GMDS: variants seen among roughly 807,000 people sequenced by gnomAD.
GMDS encodes the protein GDP-mannose 4,6 dehydratase.
Under a neutral mutation model 49.9 loss-of-function variants are expected in GMDS, and 20 were observed. The observed-to-expected ratio is 0.40, with a 90% CI of 0.28 to 0.58. The LOEUF (loss-of-function observed/expected upper bound fraction) is 0.58, where lower values mean the gene tolerates loss of function less well. GMDS is among the 20% of genes least tolerant of loss of function. GMDS has a pLI of 0.42. For synonymous variants in GMDS, 177 were observed against 178.6 expected, an observed-to-expected ratio of 0.99 and a Z score of 0.07; for missense variants, 362 against 481.4, an observed-to-expected ratio of 0.75 and a Z score of 2.32.
At chr6:2,234,229 T>C (rs1214129724) in intron 1 of GMDS, among the ~76,000 whole-genome samples, 3 of 152,176 alleles carry the variant, frequency 2.0e-5, no homozygotes, top group Non-Finnish European at 4.4e-5. Context: ...TTCCTTCCTA[T>C]CCATCATACC....
chr6:2,082,285 C>T (rs767112237), intron 4 of GMDS, among the ~76,000 whole-genome samples: 4 of 152,152 alleles, frequency 2.6e-5, no homozygotes, highest in Non-Finnish European at 5.9e-5. Flanking sequence ...CGATGCACTT[C>T]AAGTATTTTC....
rs56053544 is a variant in GMDS at position 1,875,317 on chromosome 6, TACACACACAC to T, written c.771+54776_771+54785del. ...TTATATTGAAGTCTTTTTTTGTATT[TACACACACAC>T]ACACACACACACACACACACACACG... On this transcript the variant is annotated intron_variant, in intron 7 of 10. Coordinates refer to ENST00000380815, the MANE Select transcript of GMDS (RefSeq NM_001500.4). 5.6e-4 allele frequency among the ~76,000 whole-genome samples: 84 copies of T among 150,124 alleles called. 2 individuals carry two copies. The highest frequency in any genetic ancestry group is 6.5e-4 in the South Asian group (3 of 4,650).
chr6:1,817,765 C>T (rs990504180), intron 7 of GMDS, among the ~76,000 whole-genome samples: 3 of 152,156 alleles, frequency 2.0e-5, no homozygotes, highest in Non-Finnish European at 4.4e-5. Context: ...ATGCTATTCA[C>T]GTGACCTGAC....
intron 9 of GMDS, among the ~76,000 whole-genome samples, chr6:1,683,778 T>TAA (rs1421390291): frequency 6.6e-6 from 1 of 152,230 alleles, no homozygotes; most frequent in Non-Finnish European, 1.5e-5. Context: ...TGAGATGAAG[T>TAA]AGTAGGCTCT....
At chr6:2,043,432 G>C (rs1562000493) in intron 4 of GMDS, 1 of 152,250 alleles carries the variant, frequency 6.6e-6, no homozygotes, top group Non-Finnish European at 1.5e-5. Flanking sequence ...CAGAGCACTG[G>C]GAGCCACAGC....
At chr6:1,727,458 G>C (rs1346867339) in intron 8 of GMDS, among the ~76,000 whole-genome samples, 2 of 152,120 alleles carry the variant, frequency 1.3e-5, no homozygotes, top group African/African-American at 4.8e-5. Flanking sequence ...AAATTAACAA[G>C]TATGACATGT....
intron 7 of GMDS, among the ~76,000 whole-genome samples, chr6:1,755,159 A>G (rs1222630721): frequency 6.6e-6 from 1 of 152,222 alleles, no homozygotes; most frequent in Non-Finnish European, 1.5e-5. Flanking sequence ...AATCTCCTTA[A>G]GCTCATAAGC....
intron 1 of GMDS, among the ~76,000 whole-genome samples, chr6:2,139,278 G>A (rs1776162422): frequency 6.6e-6 from 1 of 152,128 alleles, no homozygotes; most frequent in East Asian, 1.9e-4. Flanking sequence ...TGCACTGTCT[G>A]CACAAAATAT....
intron 4 of GMDS, among the ~76,000 whole-genome samples, chr6:2,102,400 A>T (rs1015853517): frequency 2.0e-5 from 3 of 152,300 alleles, no homozygotes; most frequent in South Asian, 2.1e-4. Context: ...GCTGGTTTTT[A>T]AAAAAAGTTT....
At chr6:2,173,616 A>C (rs1456832738) in intron 1 of GMDS, among the ~76,000 whole-genome samples, 1 of 152,232 alleles carries the variant, frequency 6.6e-6, no homozygotes, top group Non-Finnish European at 1.5e-5. Flanking sequence ...TGAAAACAGG[A>C]AGTTCTATTC....
At chr6:1,799,973 TA>T (rs1330392869) in intron 7 of GMDS, among the ~76,000 whole-genome samples, 3 of 151,986 alleles carry the variant, frequency 2.0e-5, no homozygotes, top group South Asian at 2.1e-4. Flanking sequence ...TGTCTTTTTT[TA>T]AAAAAAATTA....
chr6:1,725,750 G>A (rs1050859382), intron 9 of GMDS, among the ~76,000 whole-genome samples: 3 of 152,186 alleles, frequency 2.0e-5, no homozygotes, highest in Non-Finnish European at 2.9e-5. Flanking sequence ...TTTTTTAAAA[G>A]TCCCTATTCT....
intron 9 of GMDS, among the ~76,000 whole-genome samples, chr6:1,699,362 G>C (rs763145661): frequency 5.3e-5 from 8 of 152,064 alleles, no homozygotes; most frequent in Non-Finnish European, 1.2e-4. Context: ...CAGCCAGGAG[G>C]GGTCTCCAGG....
At chr6:1,666,161 G>A (rs1764230027) in intron 9 of GMDS, among the ~76,000 whole-genome samples, 1 of 152,148 alleles carries the variant, frequency 6.6e-6, no homozygotes, top group South Asian at 2.1e-4. Flanking sequence ...CCCTTGTTAT[G>A]GATGAAGCAG....
At chr6:1,807,623 A>G (rs1413798648) in intron 7 of GMDS, among the ~76,000 whole-genome samples, 2 of 152,218 alleles carry the variant, frequency 1.3e-5, no homozygotes, top group Non-Finnish European at 2.9e-5. Flanking sequence ...TTTTAACTGA[A>G]TGACACCATC....
intron 1 of GMDS, among the ~76,000 whole-genome samples, chr6:2,190,177 A>C (rs1318183736): frequency 6.6e-6 from 1 of 152,234 alleles, no homozygotes; most frequent in African/African-American, 2.4e-5. Context: ...CAGGGAAAAA[A>C]GAGCAAATGT....
intron 1 of GMDS, among the ~76,000 whole-genome samples, chr6:2,207,418 A>G (rs577618689): frequency 3.3e-5 from 5 of 152,144 alleles, no homozygotes; most frequent in African/African-American, 1.2e-4. Context: ...AGGAAGCTGG[A>G]AAATGTCATC....
At chr6:2,162,536 C>G (rs1777452027) in intron 1 of GMDS, among the ~76,000 whole-genome samples, 2 of 152,030 alleles carry the variant, frequency 1.3e-5, no homozygotes, top group African/African-American at 4.8e-5. Flanking sequence ...ATTGTTTTTT[C>G]TAGTCTCATG....
intron 7 of GMDS, among the ~76,000 whole-genome samples, chr6:1,783,104 G>C (rs1769178277): frequency 6.6e-6 from 1 of 152,150 alleles, no homozygotes; most frequent in Non-Finnish European, 1.5e-5. Flanking sequence ...GTAGTGAGCA[G>C]AGATCACGCC....
Sources: gnomAD v4.1 joint callset for allele counts (sites outside exome capture counted in the v4.1 genomes callset) on GRCh38, gnomAD v4.1.1 for gene constraint, MANE v1.5 for transcripts, NCBI Gene and HGNC (gene_info 2026-07-23, HGNC 2026-07-21) for gene names.